ZNF780B: variants seen among roughly 807,000 people sequenced by gnomAD.
The protein encoded by ZNF780B is zinc finger protein 780B.
ZNF780B carries 52 observed loss-of-function variants against 74.1 expected under a neutral mutation model. That is an observed-to-expected ratio of 0.70 (90% CI 0.56 to 0.88). ZNF780B has a LOEUF of 0.88. Among genes scored for constraint, ZNF780B ranks in the 40% least tolerant of loss-of-function variants. The pLI, the probability that ZNF780B is intolerant of heterozygous loss-of-function variation, is 0.00. For synonymous variants in ZNF780B, 315 were observed against 324.3 expected (o/e 0.97, Z 0.31); for missense variants, 953 against 1,007.6 (o/e 0.95, Z 0.73).
chr19:40,044,688 A>G (rs569811398), intron 4 of ZNF780B, among the ~76,000 whole-genome samples: 1 of 152,348 alleles, frequency 6.6e-6, no homozygotes, highest in Non-Finnish European at 1.5e-5. Context: ...TATAAAACCT[A>G]CTGACACAGC....
rs1972027293 is a variant in ZNF780B, at chr19:40,032,055, C to G, written c.*2302G>C. The G allele has an allele frequency of 2.2e-6, 1 of 456,124 alleles. No homozygotes were observed. Among genetic ancestry groups the G allele is most frequent in the African/African-American group, 2.0e-5 (1 of 50,024 alleles). 28.3% of individuals were successfully genotyped at this position (456,124 alleles called of 1,614,324 possible). A position where few individuals can be genotyped will look rare whatever the true frequency, so the allele number is the denominator to read the frequency against. On this transcript the variant is annotated 3_prime_UTR_variant, in exon 5 of 5. Transcript: ENST00000434248. ...AAGAAAGCCTCTGGACTTACTTTCC[C>G]TTGTAAAGAAAATACAACCAAGAAC... is the stretch of plus-strand genomic sequence containing the variant.
At chr19:40,044,019 G>A (rs907293314) in intron 4 of ZNF780B, among the ~76,000 whole-genome samples, 10 of 152,132 alleles carry the variant, frequency 6.6e-5, no homozygotes, top group East Asian at 5.8e-4. Context: ...GCTGTACACC[G>A]GAGCTGTTCC....
In ZNF780B at chr19:40,035,033, C is replaced by T; in HGVS notation, c.1826G>A (p.Gly609Asp). Residue 609 changes from glycine to aspartate, a missense_variant, in exon 5 of 5, where the codon GGT becomes GAT. Physicochemically the swap from Gly to Asp is moderately conservative, Grantham distance 94. Coordinates refer to ENST00000434248, the MANE Select transcript of ZNF780B (RefSeq NM_001005851.3). The stretch of plus-strand genomic sequence containing the variant: ...TTCCTTACATTCAAAGGGCTTCTCA[C>T]CAGTATGAAATTTCTGATGTCGAAT... ...HLIRHQKFHTGEKPFECKECG... is the reference protein window; with the variant it reads ...HLIRHQKFHTDEKPFECKECG... 6.2e-7 allele frequency: 1 copy of T among 1,614,184 alleles called. No homozygotes were observed. Among genetic ancestry groups the T allele is most frequent in the Non-Finnish European group, 8.5e-7 (1 of 1,180,018 alleles).
chr19:40,052,720 T>C (rs1973288787), intron 1 of ZNF780B, among the ~76,000 whole-genome samples: 2 of 152,144 alleles, frequency 1.3e-5, no homozygotes, highest in African/African-American at 4.8e-5. Flanking sequence ...AACAGCATGA[T>C]ACTGACATAA....
Position 40,036,051 on chromosome 19 carries a change from T to G in ZNF780B, c.808A>C (p.Ile270Leu), listed in dbSNP as rs951528732. The G allele has an allele frequency of 1.9e-6, 3 of 1,613,736 alleles. No individual in the cohort carries two copies. The highest frequency in any genetic ancestry group is 1.7e-6 in the Non-Finnish European group (2 of 1,179,866). Residue 270 changes from isoleucine (I) to leucine (L), a missense_variant, in exon 5 of 5, where the codon ATT becomes CTT. Ile to Leu is a conservative substitution (Grantham distance 5). Transcript: ENST00000434248. ...TGATATGGTTTTACACCAGCATGAA[T>G]ACTTTGATGCTGAGTAAGGTTTGAG... ...RSSNLTQHQSIHAGVKPYQCK... is the reference protein window; with the variant it reads ...RSSNLTQHQSLHAGVKPYQCK...
At chr19:40,044,253 G>C (rs755736622) in intron 4 of ZNF780B, among the ~76,000 whole-genome samples, 1 of 152,170 alleles carries the variant, frequency 6.6e-6, no homozygotes, top group Non-Finnish European at 1.5e-5. Flanking sequence ...ACTCTAGTAA[G>C]AGATGCAGAC....
chr19:40,045,754 G>A (rs776979264), intron 4 of ZNF780B, among the ~76,000 whole-genome samples: 43 of 152,152 alleles, frequency 2.8e-4, no homozygotes, highest in Non-Finnish European at 4.9e-4. Context: ...TTGGGAAGCC[G>A]AGGTGGGTGA....
chr19:40,048,636 C>G, intron 3 of ZNF780B, 34 bp downstream of exon 3: 2 of 1,614,046 alleles, frequency 1.2e-6, no homozygotes, highest in South Asian at 2.2e-5. Context: ...TTCCAGAGAA[C>G]AGATACAAAA....
chr19:40,030,664 T>G lies in ZNF780B; in HGVS notation c.*3693A>C, dbSNP rs1363877737. The G allele has an allele frequency of 6.6e-6, 1 of 152,236 alleles. No individual in the cohort carries two copies. Among genetic ancestry groups the G allele is most frequent in the Non-Finnish European group, 1.5e-5 (1 of 68,038 alleles). 9.4% of individuals were successfully genotyped at this position (152,236 alleles called of 1,614,324 possible). A position where few individuals can be genotyped will look rare whatever the true frequency, so the allele number is the denominator to read the frequency against. ...TAACAAATATATTAAAGTGTTTTAT[T>G]ATGTTTGCAAAGGGACTCTGACTTC... On this transcript the variant is annotated 3_prime_UTR_variant, in exon 5 of 5. Transcript: ENST00000434248.
intron 2 of ZNF780B, among the ~76,000 whole-genome samples, chr19:40,049,594 A>G (rs562800671): frequency 6.6e-6 from 1 of 152,230 alleles, no homozygotes; most frequent in African/African-American, 2.4e-5. Context: ...GCCACTCACT[A>G]TGGAATTCTA....
intron 2 of ZNF780B, 163 bp from the exon 3 acceptor site, chr19:40,048,959 C>A: frequency 8.7e-7 from 1 of 1,153,698 alleles, no homozygotes. Flanking sequence ...TGTGGTGGCT[C>A]ATGCCTGTTA....
At chr19:40,047,606 G>A (rs58806995) in intron 3 of ZNF780B, 136 bp from the exon 4 acceptor site, 9,339 of 479,896 alleles carry the variant, frequency 0.019, 763 homozygotes, top group African/African-American at 0.17. Flanking sequence ...AGAGGATTGA[G>A]TAAGGGATCA....
rs1971985389 is a variant in ZNF780B, at chr19:40,031,186, T to G, written c.*3171A>C. On this transcript the variant is annotated 3_prime_UTR_variant, in exon 5 of 5. Transcript: ENST00000434248. Reference sequence around the variant, plus strand: ...GATTATTCTTAATCTTAAAAAAAATTTAATCTAATTCATGATGCCACATCG... The same window carrying G: ...GATTATTCTTAATCTTAAAAAAAATGTAATCTAATTCATGATGCCACATCG... 1 of 152,218 alleles carries G rather than the reference T, an allele frequency of 6.6e-6. No homozygotes were observed. The highest frequency in any genetic ancestry group is 2.4e-5 in the African/African-American group (1 of 41,458). The allele number at this position is 152,218 out of a possible 1,614,324, so 9.4% of individuals were successfully genotyped here.
At chr19:40,050,196 CAAAA>C (rs74179712) in intron 2 of ZNF780B, 124 bp downstream of exon 2, 6,212 of 387,682 alleles carry the variant, frequency 0.016, no homozygotes, top group South Asian at 0.021. Flanking sequence ...GACTCCGTCT[CAAAA>C]AAAAAAAAAA....
At chr19:40,050,830 G>C (rs556433697) in intron 1 of ZNF780B, among the ~76,000 whole-genome samples, 15 of 152,244 alleles carry the variant, frequency 9.9e-5, no homozygotes, top group African/African-American at 3.6e-4. Flanking sequence ...GTGGGGCAAG[G>C]CATGAGAACT....
Position 40,034,709 on chromosome 19 carries a change from C to A in ZNF780B, c.2150G>T (p.Arg717Leu). ...RYHYQLTEHY[R>L]IHTGEKPFEC... ...AAAGGGTTTCTCACCAGTATGAATT[C>A]GGTAATGTTCAGTAAGCTGGTAATG... The change falls in exon 5 of 5, where the codon CGA becomes CTA. Residue 717 changes from arginine to leucine, a missense_variant. Physicochemically the swap from Arg to Leu is moderately radical, Grantham distance 102. Transcript: ENST00000434248. The A allele has an allele frequency of 1.1e-5, 18 of 1,613,444 alleles. No individual in the cohort carries two copies. Among genetic ancestry groups the A allele is most frequent in the Non-Finnish European group, 1.5e-5 (18 of 1,179,812 alleles).
At chr19:40,049,233 CAAAAAAAAAAAAAA>C (rs35460563) in intron 2 of ZNF780B, among the ~76,000 whole-genome samples, 7 of 35,150 alleles carry the variant, frequency 2.0e-4, no homozygotes. Context: ...GACCCTATCT[CAAAAAAAAAAAAAA>C]AAAAAAAAAA....
At chr19:40,040,687 T>C (rs1271574661) in intron 4 of ZNF780B, among the ~76,000 whole-genome samples, 6 of 152,170 alleles carry the variant, frequency 3.9e-5, no homozygotes, top group African/African-American at 1.4e-4. Flanking sequence ...GATTTTCTAG[T>C]TTATTTGTGT....
At chr19:40,053,383 G>A (rs1232782575) in intron 1 of ZNF780B, among the ~76,000 whole-genome samples, 1 of 152,070 alleles carries the variant, frequency 6.6e-6, no homozygotes, top group Non-Finnish European at 1.5e-5. Context: ...TATGTGTTGG[G>A]GTGGCTATTG....
Sources: allele counts gnomAD v4.1 joint callset (sites outside exome capture counted in the v4.1 genomes callset), GRCh38; gene constraint gnomAD v4.1.1; transcripts MANE v1.5; gene names NCBI Gene and HGNC (gene_info 2026-07-23, HGNC 2026-07-21).